NPAS2: variants seen among roughly 807,000 people sequenced by gnomAD.
NPAS2 encodes the protein neuronal PAS domain protein 2.
A neutral mutation model predicts 107.5 loss-of-function variants in NPAS2; 23 were observed. The observed-to-expected ratio is 0.21, with a 90% CI of 0.15 to 0.30. NPAS2 has a LOEUF of 0.30. Ranked by LOEUF, NPAS2 falls within the 10% of genes least tolerant of loss-of-function variation. The pLI, the probability that NPAS2 is intolerant of heterozygous loss-of-function variation, is 1.00. For synonymous variants in NPAS2, 403 were observed against 417.5 expected (o/e 0.97, Z 0.42); for missense variants, 756 against 1,043.3 (o/e 0.72, Z 3.79).
chr2:100,862,602 C>T (rs141328566), intron 1 of NPAS2, among the ~76,000 whole-genome samples: 1 of 152,322 alleles, frequency 6.6e-6, no homozygotes, highest in East Asian at 1.9e-4. Context: ...CCATAACCTT[C>T]CTCAGTAGAC....
At chr2:100,824,913 C>A (rs777140997) in intron 1 of NPAS2, among the ~76,000 whole-genome samples, 4 of 152,152 alleles carry the variant, frequency 2.6e-5, no homozygotes, top group Non-Finnish European at 5.9e-5. Context: ...AGCAGAGGAA[C>A]CCCCTGGAGC....
intron 7 of NPAS2, among the ~76,000 whole-genome samples, chr2:100,962,400 T>A (rs188886108): frequency 6.6e-6 from 1 of 152,230 alleles, no homozygotes; most frequent in Non-Finnish European, 1.5e-5. Context: ...TGATGCTCGA[T>A]ATGTTCCTCA....
At chr2:100,845,469 G>A (rs911922042) in intron 1 of NPAS2, among the ~76,000 whole-genome samples, 5 of 152,168 alleles carry the variant, frequency 3.3e-5, no homozygotes, top group African/African-American at 1.2e-4. Flanking sequence ...CACTGGCTAA[G>A]AACAAACAAC....
intron 1 of NPAS2, among the ~76,000 whole-genome samples, chr2:100,857,284 G>A (rs1336233114): frequency 7.1e-6 from 1 of 140,238 alleles, no homozygotes; most frequent in Non-Finnish European, 1.5e-5. Flanking sequence ...GGCGACAAGA[G>A]TGAAACTCCT....
intron 1 of NPAS2, among the ~76,000 whole-genome samples, chr2:100,877,445 C>CAA (rs72050213): frequency 0.011 from 868 of 79,982 alleles, 23 homozygotes; most frequent in East Asian, 0.031. Flanking sequence ...GACTCCGTCT[C>CAA]AAAAAAAAAA....
intron 1 of NPAS2, among the ~76,000 whole-genome samples, chr2:100,821,905 A>G (rs1263869383): frequency 6.6e-6 from 1 of 152,270 alleles, no homozygotes; most frequent in Non-Finnish European, 1.5e-5. Context: ...GCGCTAAACC[A>G]GGACCAGTAG....
intron 1 of NPAS2, among the ~76,000 whole-genome samples, chr2:100,862,835 A>G (rs1679027891): frequency 6.6e-6 from 1 of 152,048 alleles, no homozygotes; most frequent in African/African-American, 2.4e-5. Context: ...TACGCCTCCC[A>G]TTTTGTGTCC....
chr2:100,908,556 A>C (rs1448714553), intron 2 of NPAS2, among the ~76,000 whole-genome samples: 1 of 152,122 alleles, frequency 6.6e-6, no homozygotes, highest in Non-Finnish European at 1.5e-5. Context: ...CACCTTCCCA[A>C]GGGGTAGAGA....
intron 1 of NPAS2, among the ~76,000 whole-genome samples, chr2:100,896,916 G>T (rs1255999050): frequency 6.6e-6 from 1 of 152,058 alleles, no homozygotes; most frequent in Non-Finnish European, 1.5e-5. Flanking sequence ...CCATTCTCAT[G>T]CTGCTATAAA....
chr2:100,959,969 C>CTG (rs1381664369), intron 7 of NPAS2, among the ~76,000 whole-genome samples: 1 of 152,190 alleles, frequency 6.6e-6, no homozygotes, highest in Non-Finnish European at 1.5e-5. Flanking sequence ...TTGCTCCTTC[C>CTG]TGAGCCCTTT....
At chr2:100,907,840 G>A (rs1682270405) in intron 2 of NPAS2, among the ~76,000 whole-genome samples, 1 of 152,148 alleles carries the variant, frequency 6.6e-6, no homozygotes, top group South Asian at 2.1e-4. Flanking sequence ...AGTGTCTATT[G>A]TGTGTTCAGA....
chr2:100,952,446 C>T (rs898103066), intron 7 of NPAS2, among the ~76,000 whole-genome samples: 1 of 152,124 alleles, frequency 6.6e-6, no homozygotes, highest in Non-Finnish European at 1.5e-5. Context: ...TGCCTGTAAT[C>T]CCAGCTACTC....
Position 100,831,683 on chromosome 2 carries a change from CATT to C in NPAS2, c.-23+11270_-23+11272del. Among the ~76,000 whole-genome samples the C allele has an allele frequency of 1.3e-5, 2 of 152,120 alleles. 1 individual carries two copies. The highest frequency in any genetic ancestry group is 6.3e-3 in the Middle Eastern group (2 of 316). ...CATAGCATTGTGGGAGAGAGAGATT[CATT>C]CACAACCAATTTGCATGGCAATTTT... On this transcript the variant is annotated intron_variant, in intron 1 of 20. Coordinates refer to ENST00000335681, the MANE Select transcript of NPAS2 (RefSeq NM_002518.4).
chr2:100,917,327 G>A (rs934115181), intron 2 of NPAS2, among the ~76,000 whole-genome samples: 10 of 152,088 alleles, frequency 6.6e-5, no homozygotes, highest in Admixed American at 3.3e-4. Context: ...AGGAGTTCAA[G>A]ACCAGCCTGA....
chr2:100,884,829 T>C (rs994150563), intron 1 of NPAS2, among the ~76,000 whole-genome samples: 5 of 152,174 alleles, frequency 3.3e-5, no homozygotes, highest in Admixed American at 3.3e-4. Context: ...TTAGTATTTC[T>C]AGGAGAGTTA....
At chr2:100,819,792 C>G (rs1485998849), upstream of NPAS2, among the ~76,000 whole-genome samples, 1 of 78,612 alleles carries the variant, frequency 1.3e-5, no homozygotes, top group Non-Finnish European at 2.1e-5. This position sits in a 1 kb window ranked among gnomAD's most constrained non-coding sequence, Gnocchi z 5.8. Flanking sequence ...GGAAGCACAA[C>G]CCCCCCCTCC....
At chr2:100,931,622 G>A (rs1683967254) in intron 3 of NPAS2, among the ~76,000 whole-genome samples, 1 of 151,792 alleles carries the variant, frequency 6.6e-6, no homozygotes, top group Non-Finnish European at 1.5e-5. Flanking sequence ...GAGGAGCTGG[G>A]ACTACAGGAG....
At chr2:100,922,532 G>A (rs1683296561) in intron 2 of NPAS2, among the ~76,000 whole-genome samples, 1 of 152,156 alleles carries the variant, frequency 6.6e-6, no homozygotes, top group Admixed American at 6.5e-5. Flanking sequence ...GTAGTGAGCT[G>A]AGATCGCGTC....
intron 3 of NPAS2, among the ~76,000 whole-genome samples, chr2:100,931,522 T>C (rs961428201): frequency 7.6e-5 from 11 of 143,848 alleles, no homozygotes; most frequent in African/African-American, 2.6e-4. Flanking sequence ...AGTCTTGCTC[T>C]GTCACCCAGG....
Sources: gnomAD v4.1 joint callset for allele counts (sites outside exome capture counted in the v4.1 genomes callset) on GRCh38, gnomAD v4.1.1 for gene constraint, Gnocchi (gnomAD v3.1) non-coding constraint, MANE v1.5 for transcripts, NCBI Gene and HGNC (gene_info 2026-07-23, HGNC 2026-07-21) for gene names.